Variants in DOP1A observed in about 807,000 individuals in gnomAD.
DOP1A encodes protein DOP1A.
In DOP1A, 90 loss-of-function variants were observed where a neutral mutation model predicts 267.6. That is an observed-to-expected ratio of 0.34 (90% CI 0.28 to 0.40). The LOEUF is 0.40. DOP1A is among the 10% of genes least tolerant of loss of function. The pLI is 1.00. For synonymous variants in DOP1A, 932 were observed against 999.1 expected, an observed-to-expected ratio of 0.93 and a Z score of 1.27; for missense variants, 2,437 against 2,900.4, an observed-to-expected ratio of 0.84 and a Z score of 3.67.
intron 1 of DOP1A, among the ~76,000 whole-genome samples, chr6:83,088,297 A>G (rs1271530565): frequency 2.6e-5 from 4 of 152,112 alleles, no homozygotes; most frequent in African/African-American, 9.7e-5. Context: ...ATACCATTTG[A>G]AAGTTTGAGA....
chr6:83,147,513 A>G (rs912077978), intron 26 of DOP1A, among the ~76,000 whole-genome samples: 5 of 152,220 alleles, frequency 3.3e-5, no homozygotes, highest in East Asian at 1.9e-4. Context: ...TCTCGAAACT[A>G]TGCATATTGC....
Position 83,138,918 on chromosome 6 carries a change from CT to C in DOP1A, c.4878del (p.Gln1627SerfsTer18). ...CAGTCCCCATCAACCCATGACTTCT[CT>C]TCAGTATTTGCATGCTCAGCCAATC... is the stretch of plus-strand genomic sequence containing the variant. ...HISPHQPMTS[L>X]QYLHAQPITC... On this transcript the variant is annotated frameshift_variant, in exon 21 of 39. Coordinates refer to ENST00000349129, the MANE Select transcript of DOP1A (RefSeq NM_015018.4). LOFTEE classifies it high-confidence loss of function. The C allele has an allele frequency of 6.2e-7, 1 of 1,614,094 alleles. No homozygotes were observed. The highest frequency in any genetic ancestry group is 8.5e-7 in the Non-Finnish European group (1 of 1,179,968).
chr6:83,101,490 T>A (rs1054984050), intron 4 of DOP1A, among the ~76,000 whole-genome samples: 2 of 152,186 alleles, frequency 1.3e-5, no homozygotes, highest in East Asian at 3.8e-4. Flanking sequence ...GAGAAAAAAA[T>A]AGGATACCTT....
At chr6:83,155,104 G>T (rs780761927) in intron 33 of DOP1A, among the ~76,000 whole-genome samples, 2 of 152,116 alleles carry the variant, frequency 1.3e-5, no homozygotes, top group Non-Finnish European at 2.9e-5. Flanking sequence ...TATACAAGGT[G>T]AAACTAAAGA....
downstream of DOP1A, chr6:83,169,319 CT>C: frequency 1.9e-6 from 3 of 1,613,548 alleles, no homozygotes; most frequent in Non-Finnish European, 2.5e-6. Flanking sequence ...GTGATCTGCA[CT>C]TTCCTGCAAA....
intron 1 of DOP1A, among the ~76,000 whole-genome samples, chr6:83,094,647 T>G (rs1166020986): frequency 6.6e-6 from 1 of 152,234 alleles, no homozygotes; most frequent in East Asian, 1.9e-4. Context: ...ATGTGGAGTG[T>G]CATTTTACGT....
At chr6:83,068,986 CA>C (rs1267313409) in intron 1 of DOP1A, among the ~76,000 whole-genome samples, 2 of 152,150 alleles carry the variant, frequency 1.3e-5, no homozygotes, top group Non-Finnish European at 2.9e-5. Context: ...ATACACAAAC[CA>C]GAAAATGTGA....
intron 6 of DOP1A, among the ~76,000 whole-genome samples, chr6:83,110,608 G>C (rs1005851487): frequency 2.6e-5 from 4 of 152,074 alleles, no homozygotes; most frequent in South Asian, 2.1e-4. Flanking sequence ...TACTAAAACA[G>C]ATAGTGAAAG....
At chr6:83,076,454 T>G (rs2127996752) in intron 1 of DOP1A, among the ~76,000 whole-genome samples, 1 of 152,094 alleles carries the variant, frequency 6.6e-6, no homozygotes, top group Non-Finnish European at 1.5e-5. Flanking sequence ...CCTGGGAGGT[T>G]GAGCCAAGAT....
chr6:83,162,636 A>G (rs1181068614), intron 37 of DOP1A, among the ~76,000 whole-genome samples, 154 bp from the exon 38 acceptor site: 1 of 152,194 alleles, frequency 6.6e-6, no homozygotes, highest in Non-Finnish European at 1.5e-5. Context: ...GAGGTTAAGA[A>G]ACATACCCAA....
chr6:83,067,956 G>T (rs370575452), intron 1 of DOP1A, among the ~76,000 whole-genome samples, 177 bp downstream of exon 1: 2,770 of 152,316 alleles, frequency 0.018, 50 homozygotes, highest in Admixed American at 0.061. Context: ...GCCGCCCTCT[G>T]GTTTACGGGG....
intron 15 of DOP1A, among the ~76,000 whole-genome samples, chr6:83,128,605 CATGAAGTAG>C (rs1361899233): frequency 6.6e-6 from 1 of 152,090 alleles, no homozygotes; most frequent in Non-Finnish European, 1.5e-5. Context: ...AAAGTGATTT[CATGAAGTAG>C]ATGAAATAGT....
chr6:83,117,735 T>C (rs1189722004), intron 7 of DOP1A, among the ~76,000 whole-genome samples: 1 of 152,200 alleles, frequency 6.6e-6, no homozygotes, highest in East Asian at 1.9e-4. Flanking sequence ...GTTATGAATA[T>C]GAATAGCTGG....
chr6:83,086,680 A>G (rs1258246359), intron 1 of DOP1A, among the ~76,000 whole-genome samples: 1 of 152,222 alleles, frequency 6.6e-6, no homozygotes, highest in Non-Finnish European at 1.5e-5. Flanking sequence ...GAGGGGCTAC[A>G]GAAGTGACCT....
At chr6:83,125,337 AT>A in intron 14 of DOP1A, 142 bp downstream of exon 14, 1 of 1,087,640 alleles carries the variant, frequency 9.2e-7, no homozygotes, top group Non-Finnish European at 1.3e-6. Context: ...GGGAATAGAA[AT>A]TTTATAAGGC....
intron 10 of DOP1A, among the ~76,000 whole-genome samples, chr6:83,121,583 A>G (rs1423532682): frequency 6.6e-6 from 1 of 151,694 alleles, no homozygotes; most frequent in Non-Finnish European, 1.5e-5. Context: ...ATTTTTTCTA[A>G]CCCTTAACAG....
intron 1 of DOP1A, among the ~76,000 whole-genome samples, chr6:83,090,303 AGCT>A (rs562218798): frequency 1.4e-3 from 207 of 152,344 alleles, no homozygotes; most frequent in African/African-American, 4.6e-3. Flanking sequence ...AAGGTCATAC[AGCT>A]GCTAAGTAAG....
intron 1 of DOP1A, among the ~76,000 whole-genome samples, chr6:83,089,580 A>G (rs894361763): frequency 1.3e-5 from 2 of 152,228 alleles, no homozygotes; most frequent in Non-Finnish European, 2.9e-5. Context: ...CAAGTCAGAG[A>G]AACTACGATT....
intron 1 of DOP1A, among the ~76,000 whole-genome samples, chr6:83,090,258 G>T (rs1770095138): frequency 1.3e-5 from 2 of 152,144 alleles, no homozygotes; most frequent in African/African-American, 4.8e-5. Context: ...TAATGGATAA[G>T]GAAAACTGGT....
Sources: gnomAD v4.1 joint callset for allele counts (sites outside exome capture counted in the v4.1 genomes callset) on GRCh38, gnomAD v4.1.1 for gene constraint, MANE v1.5 for transcripts, NCBI Gene and HGNC (gene_info 2026-07-23, HGNC 2026-07-21) for gene names.